The following C13orf42 variants were observed in gnomAD, a reference collection of about 807,000 sequenced individuals.
C13orf42 encodes uncharacterized protein C13orf42.
At chr13:51,124,477 G>A (rs1046191705) in intron 1 of C13orf42, among the ~76,000 whole-genome samples, 4 of 152,224 alleles carry the variant, frequency 2.6e-5, no homozygotes, top group African/African-American at 9.7e-5. Context: ...TTCAGGTTGT[G>A]CTACGTTGTT....
intron 1 of C13orf42, among the ~76,000 whole-genome samples, chr13:51,125,677 G>C (rs568627241): frequency 6.8e-6 from 1 of 146,170 alleles, no homozygotes; most frequent in African/African-American, 2.4e-5. Flanking sequence ...CAGTGTCTAC[G>C]AATCAACATC....
chr13:51,113,845 G>A (rs1000480140), upstream of C13orf42, among the ~76,000 whole-genome samples: 2 of 152,260 alleles, frequency 1.3e-5, no homozygotes, highest in Non-Finnish European at 2.9e-5. Context: ...CAGGGAGAGA[G>A]AAGGGCCTGC....
chr13:51,170,867 C>T (rs1007178393), intron 1 of C13orf42, among the ~76,000 whole-genome samples: 5 of 151,528 alleles, frequency 3.3e-5, no homozygotes, highest in East Asian at 1.9e-4. Context: ...GGGGCAAGTA[C>T]CCCTCAATCC....
intron 1 of C13orf42, among the ~76,000 whole-genome samples, chr13:51,139,401 A>G (rs1284818057): frequency 2.0e-5 from 3 of 152,190 alleles, no homozygotes; most frequent in Non-Finnish European, 4.4e-5. Context: ...GAAAAGAAGA[A>G]TTGCTAATCA....
At chr13:51,171,088 T>TG (rs1953946425) in intron 1 of C13orf42, among the ~76,000 whole-genome samples, 1 of 151,942 alleles carries the variant, frequency 6.6e-6, no homozygotes, top group African/African-American at 2.4e-5. Context: ...CCCTTCTCCG[T>TG]GTCTCTTTTC....
intron 1 of C13orf42, among the ~76,000 whole-genome samples, chr13:51,091,392 C>G (rs893530004): frequency 6.6e-6 from 1 of 152,162 alleles, no homozygotes; most frequent in Non-Finnish European, 1.5e-5. Context: ...CCCCCCACTG[C>G]CTTGCCCTAA....
intron 1 of C13orf42, among the ~76,000 whole-genome samples, chr13:51,089,334 A>G (rs1416513588): frequency 6.6e-6 from 1 of 152,134 alleles, no homozygotes; most frequent in Non-Finnish European, 1.5e-5. Flanking sequence ...GGACCACAAT[A>G]TACACCTTGA....
upstream of C13orf42, among the ~76,000 whole-genome samples, chr13:51,114,473 A>G (rs1953465900): frequency 6.6e-6 from 1 of 152,084 alleles, no homozygotes; most frequent in Non-Finnish European, 1.5e-5. Flanking sequence ...CTTTTTTAAG[A>G]TTCCACATAT....
chr13:51,082,965 G>C lies in C13orf42; in HGVS notation c.*1186C>G, dbSNP rs559235837. 1 of 152,272 alleles carries C rather than the reference G, an allele frequency of 6.6e-6. No homozygotes were observed. The highest frequency in any genetic ancestry group is 2.1e-4 in the South Asian group (1 of 4,818). The allele number at this position is 152,272 out of a possible 1,614,324, so 9.4% of individuals were successfully genotyped here. ...GAACAATAAGAATATCATCCCACAG[G>C]CATGGCAGAAAGGAAGCCTCTGTTC... On this transcript the variant is annotated 3_prime_UTR_variant, in exon 4 of 4. Coordinates refer to ENST00000563710, the MANE Select transcript of C13orf42 (RefSeq NM_001351589.3).
At position 51,136,746 on chromosome 13, in the gene C13orf42, C is replaced by T. The variant is rs191840658; in HGVS notation, n.137-23524G>A. Among the ~76,000 whole-genome samples, 537 of 152,344 alleles carry T rather than the reference C, an allele frequency of 3.5e-3. 5 individuals carry two copies. Among genetic ancestry groups the T allele is most frequent in the Non-Finnish European group, 5.9e-3 (402 of 68,034 alleles). On this transcript the variant is annotated intron_variant and non_coding_transcript_variant, in intron 1 of 4. Coordinates refer to the C13orf42 transcript ENST00000433280. ...AAAAAGTGACACCAGGAGGGTAACC[C>T]GCCCAGGGCCAGGACCCCCAGGAGC...
chr13:51,172,016 T>C (rs1367329759), intron 1 of C13orf42: 2 of 152,174 alleles, frequency 1.3e-5, no homozygotes, highest in African/African-American at 4.8e-5. Flanking sequence ...TAGAAAAAAG[T>C]TGCAATTCCT....
At chr13:51,117,127 T>C (rs979492425) in intron 1 of C13orf42, among the ~76,000 whole-genome samples, 2 of 152,246 alleles carry the variant, frequency 1.3e-5, no homozygotes, top group South Asian at 2.1e-4. Context: ...GAAGCTAAGA[T>C]GGCCATCCAG....
chr13:51,143,812 T>G (rs1174497127), intron 1 of C13orf42, among the ~76,000 whole-genome samples: 2 of 152,216 alleles, frequency 1.3e-5, no homozygotes, highest in Non-Finnish European at 2.9e-5. Context: ...ATAATGTGGC[T>G]TATTTGGTAT....
chr13:51,129,394 G>C (rs577665226), intron 1 of C13orf42, among the ~76,000 whole-genome samples: 6 of 152,234 alleles, frequency 3.9e-5, no homozygotes, highest in African/African-American at 1.4e-4. Context: ...TGGGACTTAG[G>C]GGGCTTTTTC....
At chr13:51,149,795 TC>T in intron 1 of C13orf42, among the ~76,000 whole-genome samples, 1 of 152,282 alleles carries the variant, frequency 6.6e-6, no homozygotes, top group Non-Finnish European at 1.5e-5. Context: ...AATAAGCACC[TC>T]TCTTGTCCCT....
chr13:51,100,094 G>A (rs1953272173), intron 1 of C13orf42, among the ~76,000 whole-genome samples: 1 of 151,578 alleles, frequency 6.6e-6, no homozygotes. Context: ...TTGCTATTCG[G>A]GAAAATTCAA....
At chr13:51,158,027 G>A (rs1021118673) in intron 1 of C13orf42, among the ~76,000 whole-genome samples, 1 of 152,148 alleles carries the variant, frequency 6.6e-6, no homozygotes, top group African/African-American at 2.4e-5. Flanking sequence ...CAAAAAACCA[G>A]GCTTTGCCAC....
chr13:51,169,682 C>G (rs953281393), intron 1 of C13orf42, among the ~76,000 whole-genome samples: 1 of 152,210 alleles, frequency 6.6e-6, no homozygotes, highest in African/African-American at 2.4e-5. Context: ...CCAGCCATGG[C>G]TAAAAGGGGC....
chr13:51,114,544 T>C (rs1381896422), upstream of C13orf42, among the ~76,000 whole-genome samples: 1 of 152,168 alleles, frequency 6.6e-6, no homozygotes, highest in African/African-American at 2.4e-5. Flanking sequence ...CATAATGTCC[T>C]CCAGGTTCAC....
Sources: allele counts gnomAD v4.1 joint callset (sites outside exome capture counted in the v4.1 genomes callset), GRCh38; gene constraint gnomAD v4.1.1; transcripts MANE v1.5; gene names NCBI Gene and HGNC (gene_info 2026-07-23, HGNC 2026-07-21).